Variants in NRG3 observed in about 807,000 individuals in gnomAD.
NRG3 encodes neuregulin 3, also known as pro-neuregulin-3, membrane-bound isoform.
A neutral mutation model predicts 66.9 loss-of-function variants in NRG3; 31 were observed. The observed-to-expected ratio is 0.46, with a 90% CI of 0.35 to 0.63. The LOEUF (loss-of-function observed/expected upper bound fraction) is 0.63, where lower values mean the gene tolerates loss of function less well. NRG3 is among the 20% of genes least tolerant of loss of function. The pLI, the probability that NRG3 is intolerant of heterozygous loss-of-function variation, is 0.00. For missense variants in NRG3, 910 were observed against 878.9 expected (o/e 1.04, Z -0.45); for synonymous variants, 393 against 359.4 (o/e 1.09, Z -1.06).
At chr10:82,939,091 C>A (rs905774564) in intron 4 of NRG3, among the ~76,000 whole-genome samples, 2 of 152,190 alleles carry the variant, frequency 1.3e-5, no homozygotes, top group African/African-American at 4.8e-5. Context: ...AAAGCCAGTG[C>A]ATATTAGACA....
Position 82,512,766 on chromosome 10 carries a change from A to G in NRG3, c.953+153898A>G, listed in dbSNP as rs1203262957. 2.0e-5 allele frequency among the ~76,000 whole-genome samples: 3 copies of G among 152,102 alleles called. No individual in the cohort carries two copies. In the East Asian group the frequency reaches 5.8e-4, roughly 29 times the overall value. On this transcript the variant is annotated intron_variant, in intron 2 of 8. Transcript: ENST00000372141. ...TATCATATATGTAAGTATAAGAAAC[A>G]TTTAATTTTATAGTTTTGTGTTTTT...
intron 1 of NRG3, among the ~76,000 whole-genome samples, chr10:82,131,541 C>A (rs982457355): frequency 1.3e-5 from 2 of 151,418 alleles, no homozygotes; most frequent in Non-Finnish European, 2.9e-5. Flanking sequence ...GTTTCCCTAT[C>A]AAATTTAGGA....
intron 3 of NRG3, among the ~76,000 whole-genome samples, chr10:82,784,117 C>G (rs1591514466): frequency 6.6e-6 from 1 of 152,164 alleles, no homozygotes; most frequent in East Asian, 1.9e-4. Context: ...AAAGGATTCC[C>G]TATTTAATAA....
intron 2 of NRG3, among the ~76,000 whole-genome samples, chr10:82,617,857 T>TA (rs1202548524): frequency 6.6e-6 from 1 of 152,186 alleles, no homozygotes; most frequent in African/African-American, 2.4e-5. Context: ...CAAATGCGTC[T>TA]AATGTGCTGT....
intron 1 of NRG3, among the ~76,000 whole-genome samples, chr10:82,315,659 C>T (rs576599356): frequency 1.4e-5 from 2 of 147,970 alleles, no homozygotes; most frequent in African/African-American, 5.2e-5. Context: ...GAATCATATA[C>T]GTTTGTTGTT....
chr10:82,535,731 GTCT>G (rs1847745576), intron 2 of NRG3, among the ~76,000 whole-genome samples: 1 of 152,138 alleles, frequency 6.6e-6, no homozygotes, highest in African/African-American at 2.4e-5. Flanking sequence ...ATGCTTAAAT[GTCT>G]TAAACATAAT....
chr10:81,883,125 A>G (rs1842329253), intron 1 of NRG3, among the ~76,000 whole-genome samples: 1 of 152,160 alleles, frequency 6.6e-6, no homozygotes, highest in African/African-American at 2.4e-5. Context: ...TTGTGTGAAA[A>G]TAGGCATGTC....
At chr10:82,155,445 G>C (rs1166195138) in intron 1 of NRG3, among the ~76,000 whole-genome samples, 2 of 151,788 alleles carry the variant, frequency 1.3e-5, no homozygotes, top group Non-Finnish European at 3.0e-5. Context: ...TCTCTACTGT[G>C]ACATGGATTA....
intron 3 of NRG3, among the ~76,000 whole-genome samples, chr10:82,825,864 A>G (rs556741807): frequency 5.9e-5 from 9 of 152,306 alleles, no homozygotes; most frequent in African/African-American, 1.9e-4. Flanking sequence ...TTAAAAATGC[A>G]TACTTTCTAT....
At chr10:82,643,591 A>T (rs1204916471) in intron 2 of NRG3, among the ~76,000 whole-genome samples, 1 of 152,128 alleles carries the variant, frequency 6.6e-6, no homozygotes, top group African/African-American at 2.4e-5. Context: ...TAAAACCTAC[A>T]AACTGTGAGG....
intron 1 of NRG3, among the ~76,000 whole-genome samples, chr10:82,063,319 G>A (rs1170824997): frequency 6.7e-6 from 1 of 149,750 alleles, no homozygotes. Flanking sequence ...ACGCAAATGT[G>A]AAAAAAAAAA....
rs181792476 is a variant in NRG3, at chr10:82,396,020, T to G, written c.953+37152T>G. Among the ~76,000 whole-genome samples the G allele has an allele frequency of 1.2e-3, 180 of 152,308 alleles. 1 individual carries two copies. The highest frequency in any genetic ancestry group is 4.0e-3 in the African/African-American group (165 of 41,584). ...TTTATTAAAATCTTATCAGGAGCGG[T>G]TTGAACAGGGCTTGGCTTTTTCTCA... On this transcript the variant is annotated intron_variant, in intron 2 of 8. Transcript: ENST00000372141.
At chr10:82,192,176 G>A (rs905006281) in intron 1 of NRG3, among the ~76,000 whole-genome samples, 2 of 152,036 alleles carry the variant, frequency 1.3e-5, no homozygotes, top group Non-Finnish European at 1.5e-5. Flanking sequence ...AGTGCAACCC[G>A]TTTACCTCTT....
chr10:82,758,959 AT>A (rs1565283800), intron 3 of NRG3, among the ~76,000 whole-genome samples: 1 of 151,670 alleles, frequency 6.6e-6, no homozygotes, highest in Non-Finnish European at 1.5e-5. Flanking sequence ...CCACATTAAC[AT>A]CTTGAACTGC....
chr10:82,392,026 C>T (rs1375005421), intron 2 of NRG3, among the ~76,000 whole-genome samples: 5 of 140,824 alleles, frequency 3.6e-5, no homozygotes, highest in East Asian at 2.0e-4. Flanking sequence ...AAAAAACCCA[C>T]GAAACTAGGA....
At chr10:82,561,123 A>T (rs1158107823) in intron 2 of NRG3, among the ~76,000 whole-genome samples, 1 of 152,184 alleles carries the variant, frequency 6.6e-6, no homozygotes, top group Non-Finnish European at 1.5e-5. Context: ...AGTCTGTAAA[A>T]TTTTAATTAT....
chr10:82,715,860 C>G (rs1035667739), intron 2 of NRG3, among the ~76,000 whole-genome samples: 1 of 152,008 alleles, frequency 6.6e-6, no homozygotes, highest in African/African-American at 2.4e-5. Context: ...TGTTGAGGGG[C>G]CTCCTCCAGG....
At chr10:82,650,185 A>G (rs1222248080) in intron 2 of NRG3, among the ~76,000 whole-genome samples, 1 of 152,158 alleles carries the variant, frequency 6.6e-6, no homozygotes, top group East Asian at 1.9e-4. Flanking sequence ...CATGATATGT[A>G]TATGTATGTG....
chr10:82,408,144 A>G (rs1044568660), intron 2 of NRG3, among the ~76,000 whole-genome samples: 2 of 146,336 alleles, frequency 1.4e-5, no homozygotes, highest in South Asian at 2.2e-4. Context: ...AGAAAGAAAG[A>G]AAAGAAAAAG....
Sources: gnomAD v4.1 joint callset for allele counts (sites outside exome capture counted in the v4.1 genomes callset) on GRCh38, gnomAD v4.1.1 for gene constraint, MANE v1.5 for transcripts, NCBI Gene and HGNC (gene_info 2026-07-23, HGNC 2026-07-21) for gene names.